The following NDUFA10 variants were observed in gnomAD, a reference collection of about 807,000 sequenced individuals.
NDUFA10 encodes the protein NADH dehydrogenase [ubiquinone] 1 alpha subcomplex subunit 10, mitochondrial.
A neutral mutation model predicts 47.8 loss-of-function variants in NDUFA10; 40 were observed. The observed-to-expected ratio is 0.84, with a 90% confidence interval of 0.65 to 1.09. NDUFA10 has a LOEUF of 1.09. NDUFA10 is among the 50% of genes least tolerant of loss of function. The probability of loss-of-function intolerance (pLI) is 0.00; values close to 1 mark genes in which losing one functional copy is unlikely to be tolerated. For synonymous variants in NDUFA10, 183 were observed against 172.2 expected, an observed-to-expected ratio of 1.06 and a Z score of -0.49; for missense variants, 413 against 451.1, an observed-to-expected ratio of 0.92 and a Z score of 0.76.
At chr2:239,989,250 G>C (rs1696149005) in intron 9 of NDUFA10, among the ~76,000 whole-genome samples, 2 of 152,240 alleles carry the variant, frequency 1.3e-5, no homozygotes, top group Admixed American at 6.5e-5. Context: ...ATGCCAAGTA[G>C]AGTAAGAAAG....
chr2:239,959,632 G>A lies in NDUFA10; in HGVS notation c.*1486C>T, dbSNP rs746931112. 9.2e-5 allele frequency: 91 copies of A among 985,714 alleles called. No homozygotes were observed. Among genetic ancestry groups the A allele is most frequent in the Admixed American group, 2.5e-4 (4 of 16,238 alleles). 61.1% of individuals were successfully genotyped at this position (985,714 alleles called of 1,614,324 possible). On this transcript the variant is annotated 3_prime_UTR_variant, in exon 10 of 10. Coordinates refer to ENST00000252711, the MANE Select transcript of NDUFA10 (RefSeq NM_004544.4). ...AATTCTTAAAACAAGGAAGGAGGCA[G>A]GGAGGAAGGGAAGGGAGGAAAACAA...
intron 4 of NDUFA10, among the ~76,000 whole-genome samples, chr2:239,936,979 A>G (rs752166064): frequency 6.6e-5 from 10 of 152,230 alleles, no homozygotes; most frequent in African/African-American, 1.2e-4. Flanking sequence ...AAAATAAAAA[A>G]GAAATAAGTA....
intron 4 of NDUFA10, among the ~76,000 whole-genome samples, chr2:239,907,660 T>C (rs1016502255): frequency 1.3e-5 from 2 of 152,104 alleles, no homozygotes; most frequent in Non-Finnish European, 2.9e-5. Context: ...TCATCATCAC[T>C]GGCCATCAGA....
chr2:239,979,595 AAG>A (rs10560970), intron 9 of NDUFA10, among the ~76,000 whole-genome samples: 61,390 of 151,766 alleles, frequency 0.4, 13,932 homozygotes, highest in Non-Finnish European at 0.49. Flanking sequence ...CTCTCGGGAA[AAG>A]AGACAGTGCC....
Position 239,911,670 on chromosome 2 carries a change from A to AGAGTGTGTGTGT in NDUFA10, c.295-16357_295-16356insACACACACACTC, listed in dbSNP as rs1553554441. On this transcript the variant is annotated intron_variant, in intron 4 of 5. Transcript: ENST00000419408. ...CAGCCCAGACACCAAAACATGAGAG[A>AGAGTGTGTGTGT]GTGTGTGTGCGTGTGTGTGTGTGTG... Among the ~76,000 whole-genome samples the AGAGTGTGTGTGT allele has an allele frequency of 5.2e-3, 767 of 146,638 alleles. 5 individuals carry two copies. The highest frequency in any genetic ancestry group is 0.028 in the Middle Eastern group (8 of 284).
intron 4 of NDUFA10, among the ~76,000 whole-genome samples, chr2:239,917,262 G>T (rs1693895090): frequency 1.3e-5 from 2 of 152,196 alleles, no homozygotes; most frequent in African/African-American, 4.8e-5. Flanking sequence ...AAAGGCAGTA[G>T]CAGGCAAGGC....
chr2:239,911,250 G>A (rs1435467162), intron 4 of NDUFA10, among the ~76,000 whole-genome samples: 1 of 152,180 alleles, frequency 6.6e-6, no homozygotes, highest in Admixed American at 6.5e-5. Flanking sequence ...CCTGGGAGAA[G>A]GGGCTCAGGA....
chr2:240,003,900 A>C (rs553411603), intron 8 of NDUFA10, among the ~76,000 whole-genome samples: 1 of 152,318 alleles, frequency 6.6e-6, no homozygotes, highest in East Asian at 1.9e-4. Context: ...GCACAGAGAC[A>C]CTGCAAGAGG....
chr2:239,954,731 T>G (rs545751685), downstream of NDUFA10, among the ~76,000 whole-genome samples: 1 of 152,306 alleles, frequency 6.6e-6, no homozygotes, highest in Non-Finnish European at 1.5e-5. Context: ...AGCTAAAAAA[T>G]AGCATTTTTT....
intron 4 of NDUFA10, among the ~76,000 whole-genome samples, chr2:239,947,267 C>T (rs1486631000): frequency 2.0e-5 from 3 of 152,214 alleles, no homozygotes; most frequent in Non-Finnish European, 4.4e-5. Flanking sequence ...AGAAGTCATA[C>T]CAGGACAGCC....
At chr2:239,920,346 T>C (rs1026248898) in intron 4 of NDUFA10, among the ~76,000 whole-genome samples, 6 of 152,212 alleles carry the variant, frequency 3.9e-5, no homozygotes, top group Non-Finnish European at 8.8e-5. Context: ...CAGCCCAGAC[T>C]GACACGTGGA....
intron 4 of NDUFA10, among the ~76,000 whole-genome samples, chr2:239,918,412 C>G (rs13400279): frequency 6.6e-6 from 1 of 151,832 alleles, no homozygotes; most frequent in South Asian, 2.1e-4. Flanking sequence ...TGCCCCCGCA[C>G]GCCAGGCCTG....
chr2:239,967,610 C>G (rs1443320783), intron 9 of NDUFA10, among the ~76,000 whole-genome samples: 1 of 152,190 alleles, frequency 6.6e-6, no homozygotes, highest in Non-Finnish European at 1.5e-5. Flanking sequence ...TTCCTAAGTG[C>G]CCACAGGTAC....
At chr2:239,910,318 A>G (rs1365903268) in intron 4 of NDUFA10, among the ~76,000 whole-genome samples, 1 of 152,216 alleles carries the variant, frequency 6.6e-6, no homozygotes, top group Non-Finnish European at 1.5e-5. Flanking sequence ...ATCAACCTAA[A>G]TGCCCATCAA....
At chr2:239,920,157 C>G (rs548111711) in intron 4 of NDUFA10, among the ~76,000 whole-genome samples, 1 of 152,206 alleles carries the variant, frequency 6.6e-6, no homozygotes, top group African/African-American at 2.4e-5. Flanking sequence ...CATGATGGGA[C>G]TGGGACAGCA....
At chr2:240,003,791 G>C (rs2106467808) in intron 8 of NDUFA10, among the ~76,000 whole-genome samples, 1 of 152,256 alleles carries the variant, frequency 6.6e-6, no homozygotes, top group African/African-American at 2.4e-5. Flanking sequence ...CAGGGGGTGG[G>C]TGGTGGAGGA....
At chr2:239,967,977 T>TACACACACACACACACACACAC (rs1380084722) in intron 9 of NDUFA10, among the ~76,000 whole-genome samples, 12 of 139,544 alleles carry the variant, frequency 8.6e-5, no homozygotes, top group African/African-American at 3.3e-4. Flanking sequence ...AGGAAAAAAA[T>TACACACACACACACACACACAC]ATACACACAC....
chr2:239,953,899 C>A (rs145584555), downstream of NDUFA10, among the ~76,000 whole-genome samples: 6 of 152,350 alleles, frequency 3.9e-5, no homozygotes, highest in East Asian at 1.2e-3. Flanking sequence ...GAGGACGCCC[C>A]CGCCGCCTCA....
chr2:239,969,706 T>G (rs1386332841), intron 9 of NDUFA10: 29 of 471,342 alleles, frequency 6.2e-5, no homozygotes, highest in Non-Finnish European at 1.0e-4. Flanking sequence ...TCAAAGGTGT[T>G]TTCTTCCAAC....
Sources: allele counts gnomAD v4.1 joint callset (sites outside exome capture counted in the v4.1 genomes callset), GRCh38; gene constraint gnomAD v4.1.1; transcripts MANE v1.5; gene names NCBI Gene and HGNC (gene_info 2026-07-23, HGNC 2026-07-21).